The following TEX46 variants were observed in gnomAD, a reference collection of about 807,000 sequenced individuals.
The protein encoded by TEX46 is testis-expressed protein 46.
TEX46 carries 6 observed loss-of-function variants against 5.3 expected under a neutral mutation model. The ratio of observed to expected loss-of-function variants is 1.13; its 90% CI spans 0.62 to 2.23. The LOEUF (loss-of-function observed/expected upper bound fraction) is 2.23. Ranked by LOEUF, TEX46 falls within the 30% of genes most tolerant of loss-of-function variation. TEX46 has a pLI of 0.00. For synonymous variants in TEX46, 41 were observed against 54.6 expected (o/e 0.75, Z 1.10); for missense variants, 131 against 150.9 (o/e 0.87, Z 0.69).
intron 2 of TEX46, among the ~76,000 whole-genome samples, chr1:23,012,801 A>G (rs1014508894): frequency 6.6e-6 from 1 of 151,714 alleles, no homozygotes; most frequent in Non-Finnish European, 1.5e-5. Context: ...GCCAAGGTTG[A>G]GGCATCCTGC....
At chr1:23,012,425 CA>C (rs1641364356) in intron 2 of TEX46, among the ~76,000 whole-genome samples, 3 of 149,878 alleles carry the variant, frequency 2.0e-5, no homozygotes, top group African/African-American at 7.3e-5. Flanking sequence ...AATAATACAA[CA>C]AATACTCATA....
chr1:23,013,848 C>T, intron 2 of TEX46, 35 bp downstream of exon 2: 1 of 1,530,066 alleles, frequency 6.5e-7, no homozygotes, highest in African/African-American at 1.4e-5. Flanking sequence ...TATCCCCTAT[C>T]CCTGAGCTGA....
Position 23,010,934 on chromosome 1 carries a change from G to T in TEX46, c.333C>A (p.Thr111=), listed in dbSNP as rs777570647. The T allele has an allele frequency of 5.2e-6, 8 of 1,534,078 alleles. No homozygotes were observed. The highest frequency in any genetic ancestry group is 1.7e-4 in the Middle Eastern group (1 of 5,988). The part of the protein sequence containing the change: ...RMRRHESICP[T]LSDCTSSSPS ...GGGAACTCGAAGTACAGTCAGACAG[G>T]GTGGGGCAAATTGACTCATGCCTCC... Residue 111 remains threonine, a synonymous_variant, in exon 3 of 3, where the codon ACC becomes ACA. Transcript: ENST00000566855.
chr1:23,013,904 G>A lies in TEX46; in HGVS notation c.144C>T (p.Leu48=), dbSNP rs1216334609. Residue 48 remains leucine (L), a synonymous_variant, in exon 2 of 3, where the codon CTC becomes CTT. Coordinates refer to ENST00000566855, the MANE Select transcript of TEX46 (RefSeq NM_001242521.2). ...TCACCTGCTGGGGCTCTGGGAGGGT[G>A]AGCTTGTGTTCATACTTGACCAACC... ...SNWLVKYEHK[L]TLPEPQQDEI... is the part of the protein sequence containing the mutation. The A allele has an allele frequency of 3.9e-6, 6 of 1,535,920 alleles. No individual in the cohort carries two copies. The South Asian group carries it at 4.8e-5, about 12-fold the overall frequency.
At chr1:23,013,294 T>A (rs571482457) in intron 2 of TEX46, among the ~76,000 whole-genome samples, 76 of 152,276 alleles carry the variant, frequency 5.0e-4, no homozygotes, top group African/African-American at 1.8e-3. Flanking sequence ...TGCCTCAGCC[T>A]CCTGAGTAGC....
Position 23,010,953 on chromosome 1 carries a change from T to C in TEX46, c.314A>G (p.His105Arg). 2 of 1,535,322 alleles carry C rather than the reference T, an allele frequency of 1.3e-6. No homozygotes were observed. The highest frequency in any genetic ancestry group is 1.2e-5 in the South Asian group (1 of 84,046). The stretch of plus-strand genomic sequence containing the variant: ...AGACAGGGTGGGGCAAATTGACTCA[T>C]GCCTCCTCATTCTGTGTTTTTTCAT... ...FPMKKHRMRRHESICPTLSDC... is the reference protein window; with the variant it reads ...FPMKKHRMRRRESICPTLSDC... Residue 105 changes from histidine (H) to arginine (R), a missense_variant, in exon 3 of 3, where the codon CAT becomes CGT. By Grantham distance (29) the His-to-Arg change is conservative (BLOSUM62 0). Transcript: ENST00000566855.
At chr1:23,013,231 G>A (rs1270328829) in intron 2 of TEX46, among the ~76,000 whole-genome samples, 6 of 151,688 alleles carry the variant, frequency 4.0e-5, no homozygotes, top group Middle Eastern at 3.4e-3. Context: ...GGAGTGCAGT[G>A]GCATGATCTC....
chr1:23,015,708 A>G, intron 1 of TEX46, 64 bp downstream of exon 1: 1 of 685,652 alleles, frequency 1.5e-6, no homozygotes, highest in East Asian at 2.7e-5. Flanking sequence ...AACCTTGAGG[A>G]CATTAAGCTA....
chr1:23,014,200 A>G, intron 1 of TEX46, 155 bp from the exon 2 acceptor site: 1 of 1,313,480 alleles, frequency 7.6e-7, no homozygotes, highest in Non-Finnish European at 9.9e-7. Context: ...CATAACAATA[A>G]TAATAACTCC....
At position 23,011,065 on chromosome 1, in the gene TEX46, T is replaced by C. The variant is rs1292499208; in HGVS notation, c.202A>G (p.Lys68Glu). 1.3e-6 allele frequency: 2 copies of C among 1,536,064 alleles called. No individual in the cohort carries two copies. Among genetic ancestry groups the C allele is most frequent in the Non-Finnish European group, 1.7e-6 (2 of 1,146,840 alleles). ...ILQRLLFSEM[K>E]MKVLENQMFI... The stretch of plus-strand genomic sequence containing the variant: ...ATCTGATTTTCTAGGACCTTCATCT[T>C]CATTTCACTGAACAACAGCCGTTGG... Residue 68 changes from lysine (K) to glutamate (E), a missense_variant, in exon 3 of 3, where the codon AAG (lysine) becomes GAG (glutamate). By Grantham distance (56) the Lys-to-Glu change is moderately conservative (BLOSUM62 1). Transcript: ENST00000566855.
At position 23,010,894 on chromosome 1, in the gene TEX46, GGCCT is replaced by G. The variant is rs1195523271; in HGVS notation, c.*3_*6del. 9 of 1,522,876 alleles carry G rather than the reference GGCCT, an allele frequency of 5.9e-6. No individual in the cohort carries two copies. In the African/African-American group the frequency reaches 1.2e-4, roughly 21 times the overall value. The allele number at this position is 1,522,876 out of a possible 1,614,324, so 94.3% of individuals were successfully genotyped here. A position where few individuals can be genotyped will look rare whatever the true frequency, so the allele number is the denominator to read the frequency against. On this transcript the variant is annotated 3_prime_UTR_variant, in exon 3 of 3. Coordinates refer to ENST00000566855, the MANE Select transcript of TEX46 (RefSeq NM_001242521.2). ...ACATCGGCAGAGGCCAGCCCGCCTC[GGCCT>G]CATTAGCTGGGGGAACTCGAAGTAC...
rs1023292914 is a variant in TEX46 at position 23,015,720 on chromosome 1, G to T, written c.2+52C>A. 2.8e-5 allele frequency: 19 copies of T among 690,550 alleles called. No homozygotes were observed. The African/African-American group carries it at 3.4e-4, about 12-fold the overall frequency. 42.8% of individuals were successfully genotyped at this position (690,550 alleles called of 1,614,324 possible). On this transcript the variant is annotated intron_variant, in intron 1 of 2. Coordinates refer to ENST00000566855, the MANE Select transcript of TEX46 (RefSeq NM_001242521.2). The stretch of plus-strand genomic sequence containing the variant: ...ATGAACCTTGAGGACATTAAGCTAA[G>T]TGAAATAAGTCAGTCACAAAAAAAA...
At chr1:23,011,426 C>A (rs1430808557) in intron 2 of TEX46, among the ~76,000 whole-genome samples, 1 of 147,064 alleles carries the variant, frequency 6.8e-6, no homozygotes, top group Non-Finnish European at 1.5e-5. Context: ...GAGTTTCACT[C>A]TTGTTGCCCA....
Position 23,014,189 on chromosome 1 carries a change from G to A in TEX46, c.3-144C>T, listed in dbSNP as rs981894278. 51 of 1,227,618 alleles carry A rather than the reference G, an allele frequency of 4.2e-5. No homozygotes were observed. In the African/African-American group the frequency reaches 4.8e-4, roughly 12 times the overall value. 76.0% of individuals were successfully genotyped at this position (1,227,618 alleles called of 1,614,324 possible). On this transcript the variant is annotated intron_variant, in intron 1 of 2. Coordinates refer to ENST00000566855, the MANE Select transcript of TEX46 (RefSeq NM_001242521.2). ...AGCTCCCTCCCCCCACCCAGCTGCC[G>A]CATAACAATAATAATAACTCCTCCT...
intron 2 of TEX46, among the ~76,000 whole-genome samples, chr1:23,011,959 T>C (rs564523181): frequency 6.6e-6 from 1 of 152,324 alleles, no homozygotes; most frequent in Admixed American, 6.5e-5. Flanking sequence ...ATGACATGCT[T>C]TTATCTCTAT....
At chr1:23,011,497 ATT>A (rs1557467507) in intron 2 of TEX46, among the ~76,000 whole-genome samples, 4 of 151,244 alleles carry the variant, frequency 2.6e-5, no homozygotes, top group Non-Finnish European at 2.9e-5. Context: ...GGTTCAAACG[ATT>A]CTTCTGCCTC....
At position 23,015,826 on chromosome 1, in the gene TEX46, C is replaced by T; in HGVS notation, c.-53G>A. ...GAGGCAAAGAGTAGAATGGTGGCTG[C>T]CAGGGTCTGGAAGGAGGGGCAAATG... On this transcript the variant is annotated 5_prime_UTR_variant, in exon 1 of 3. Coordinates refer to ENST00000566855, the MANE Select transcript of TEX46 (RefSeq NM_001242521.2). 1 of 688,486 alleles carries T rather than the reference C, an allele frequency of 1.5e-6. No individual in the cohort carries two copies. Among genetic ancestry groups the T allele is most frequent in the Admixed American group, 2.1e-5 (1 of 46,922 alleles). The allele number at this position is 688,486 out of a possible 1,614,324, so 42.6% of individuals were successfully genotyped here.
chr1:23,012,651 A>C (rs1376583714), intron 2 of TEX46, among the ~76,000 whole-genome samples: 1 of 152,146 alleles, frequency 6.6e-6, no homozygotes, highest in Non-Finnish European at 1.5e-5. Context: ...ATCTGGAAAT[A>C]CTTTGGATTG....
chr1:23,011,032 T>C lies in TEX46; in HGVS notation c.235A>G (p.Ile79Val). Residue 79 changes from isoleucine (I) to valine (V), a missense_variant, in exon 3 of 3, where the codon ATA (isoleucine) becomes GTA (valine). By Grantham distance (29) the Ile-to-Val change is conservative. Coordinates refer to ENST00000566855, the MANE Select transcript of TEX46 (RefSeq NM_001242521.2). ...CCGTGGTGATTCATTTTATTCCATA[T>C]GATGAACATCTGATTTTCTAGGACC... ...MKVLENQMFI[I>V]WNKMNHHGRS... is the part of the protein sequence containing the mutation. 5 of 1,535,964 alleles carry C rather than the reference T, an allele frequency of 3.3e-6. No homozygotes were observed. Among genetic ancestry groups the C allele is most frequent in the Non-Finnish European group, 4.4e-6 (5 of 1,146,760 alleles).
Sources: allele counts gnomAD v4.1 joint callset (sites outside exome capture counted in the v4.1 genomes callset), GRCh38; gene constraint gnomAD v4.1.1; transcripts MANE v1.5; gene names NCBI Gene and HGNC (gene_info 2026-07-23, HGNC 2026-07-21).